The following GBP6 variants were observed in gnomAD, a reference collection of about 807,000 sequenced individuals.
GBP6 encodes guanylate binding protein family member 6.
GBP6 carries 54 observed loss-of-function variants against 61.5 expected under a neutral mutation model. The ratio of observed to expected loss-of-function variants is 0.88; its 90% CI spans 0.71 to 1.10. The LOEUF (loss-of-function observed/expected upper bound fraction) is 1.10, where lower values mean the gene tolerates loss of function less well. GBP6 is among the 50% of genes least tolerant of loss of function. The pLI is 0.00. For missense variants in GBP6, 748 were observed against 752.8 expected (o/e 0.99, Z 0.07); for synonymous variants, 255 against 273.7 (o/e 0.93, Z 0.67).
rs915782771 is a variant in GBP6 at position 89,378,674 on chromosome 1, C to A, written c.625+61C>A. 11 of 1,263,796 alleles carry A rather than the reference C, an allele frequency of 8.7e-6. No homozygotes were observed. The African/African-American group carries it at 1.6e-4, about 19-fold the overall frequency. 78.3% of individuals were successfully genotyped at this position (1,263,796 alleles called of 1,614,324 possible). On this transcript the variant is annotated intron_variant, in intron 5 of 10. Transcript: ENST00000370456. ...TGGGTGTGTGATCTGCTAAACACTG[C>A]CCATCATCTCTGGGGTTTCATTTGT... is the stretch of plus-strand genomic sequence containing the variant.
intron 1 of GBP6, among the ~76,000 whole-genome samples, chr1:89,367,736 C>T (rs915160340): frequency 3.3e-5 from 5 of 152,002 alleles, no homozygotes; most frequent in Non-Finnish European, 7.4e-5. Context: ...GTATGACATA[C>T]CAGAAATCCA....
At chr1:89,374,966 A>G (rs1652764445) in intron 3 of GBP6, among the ~76,000 whole-genome samples, 1 of 151,628 alleles carries the variant, frequency 6.6e-6, no homozygotes, top group South Asian at 2.1e-4. Context: ...GTTCCCCTCT[A>G]TATGTCCGTA....
chr1:89,371,996 C>G (rs1183648167), intron 3 of GBP6, among the ~76,000 whole-genome samples: 3 of 152,090 alleles, frequency 2.0e-5, no homozygotes, highest in Non-Finnish European at 4.4e-5. Flanking sequence ...GTGCAAAAAT[C>G]ACAAGCATTC....
intron 1 of GBP6, among the ~76,000 whole-genome samples, chr1:89,365,209 T>G (rs775806144): frequency 6.6e-6 from 1 of 152,166 alleles, no homozygotes; most frequent in Non-Finnish European, 1.5e-5. Context: ...CAGTCCTGAA[T>G]AGGATTGAAC....
intron 1 of GBP6, among the ~76,000 whole-genome samples, chr1:89,364,727 T>G (rs1652416489): frequency 6.7e-6 from 1 of 150,154 alleles, no homozygotes; most frequent in East Asian, 1.9e-4. Flanking sequence ...TAGCTCTTGC[T>G]AAACAGATGG....
At chr1:89,378,044 G>C (rs191411436) in intron 3 of GBP6, 59 bp from the exon 4 acceptor site, 100 of 1,425,388 alleles carry the variant, frequency 7.0e-5, no homozygotes, top group Admixed American at 3.2e-4. Flanking sequence ...CAAAATAAAT[G>C]TCTCAGTGAA....
At chr1:89,374,245 A>G (rs1652735395) in intron 3 of GBP6, among the ~76,000 whole-genome samples, 1 of 152,204 alleles carries the variant, frequency 6.6e-6, no homozygotes, top group African/African-American at 2.4e-5. Flanking sequence ...AGCAATGCAC[A>G]TACATGTACT....
chr1:89,383,764 A>C lies in GBP6; in HGVS notation c.1468+10A>C. On this transcript the variant is annotated intron_variant, in intron 9 of 10. Transcript: ENST00000370456. ...GAGAAGGCAGTAGCAGGTATGGGGC[A>C]GGGCTCAGCTTACACAGGAGGGGTA... is the stretch of plus-strand genomic sequence containing the variant. The C allele has an allele frequency of 6.3e-7, 1 of 1,580,846 alleles. No homozygotes were observed. Among genetic ancestry groups the C allele is most frequent in the Non-Finnish European group, 8.6e-7 (1 of 1,159,440 alleles).
chr1:89,372,540 C>T (rs535946545), intron 3 of GBP6, among the ~76,000 whole-genome samples: 3 of 152,014 alleles, frequency 2.0e-5, no homozygotes, highest in African/African-American at 7.3e-5. Context: ...CTTTGACAAA[C>T]CTGACAAGAA....
chr1:89,371,503 T>C (rs1296200977), intron 3 of GBP6, among the ~76,000 whole-genome samples: 1 of 152,084 alleles, frequency 6.6e-6, no homozygotes, highest in Non-Finnish European at 1.5e-5. Flanking sequence ...GCAAGGCTGG[T>C]TCAACATATG....
chr1:89,371,839 A>G (rs1384714658), intron 3 of GBP6, among the ~76,000 whole-genome samples: 1 of 152,180 alleles, frequency 6.6e-6, no homozygotes, highest in Non-Finnish European at 1.5e-5. Context: ...GAAAGAAATA[A>G]AGGGTATTCA....
rs113532469 is a variant in GBP6, at chr1:89,382,793, G to C, written c.1282G>C (p.Val428Leu). Residue 428 changes from valine (V) to leucine (L), a missense_variant, in exon 8 of 11, where the codon GTT (valine) becomes CTT (leucine). Val to Leu is a conservative substitution (Grantham distance 32). Coordinates refer to ENST00000370456, the MANE Select transcript of GBP6 (RefSeq NM_198460.3). ...MESISAGSFS[V>L]PGGHKLYMET... is the part of the protein sequence containing the mutation. ...AAGTATCTCAGCAGGAAGTTTCTCT[G>C]TTCCTGGAGGGCACAAGCTCTACAT... The C allele has an allele frequency of 6.2e-7, 1 of 1,614,080 alleles. No individual in the cohort carries two copies. The highest frequency in any genetic ancestry group is 1.3e-5 in the African/African-American group (1 of 75,060).
At chr1:89,370,029 G>A (rs911645713) in intron 3 of GBP6, among the ~76,000 whole-genome samples, 3 of 152,190 alleles carry the variant, frequency 2.0e-5, no homozygotes, top group African/African-American at 7.2e-5. Context: ...GTTGCTGAGA[G>A]GGAGGAGATG....
intron 8 of GBP6, among the ~76,000 whole-genome samples, chr1:89,383,409 T>A (rs140121409): frequency 6.6e-6 from 1 of 152,190 alleles, no homozygotes; most frequent in East Asian, 1.9e-4. Flanking sequence ...TAGTTCTGCC[T>A]GGCCGGAACC....
At chr1:89,364,492 A>G (rs1213300644) in intron 1 of GBP6, among the ~76,000 whole-genome samples, 1 of 152,230 alleles carries the variant, frequency 6.6e-6, no homozygotes, top group African/African-American at 2.4e-5. Context: ...TTTCTTGTCT[A>G]TCTTTCTAGT....
intron 3 of GBP6, among the ~76,000 whole-genome samples, chr1:89,373,654 A>C (rs1488024221): frequency 1.3e-5 from 2 of 152,172 alleles, no homozygotes; most frequent in East Asian, 3.9e-4. Context: ...ATCACACACC[A>C]GGGCCTGTCG....
chr1:89,368,627 C>A lies in GBP6; in HGVS notation c.76C>A (p.Gln26Lys). The change falls in exon 2 of 11, where the codon CAA becomes AAA. Residue 26 changes from glutamine to lysine, a missense_variant. Coordinates refer to ENST00000370456, the MANE Select transcript of GBP6 (RefSeq NM_198460.3). ...CAATGAGCAGCTATTGGTGAACCAGCAAGCTATACAGATTCTTGAAAAGAT... is the reference window on the plus strand; with the variant it reads ...CAATGAGCAGCTATTGGTGAACCAGAAAGCTATACAGATTCTTGAAAAGAT... Reference protein sequence around the residue: ...NNNEQLLVNQQAIQILEKISQ... With the variant: ...NNNEQLLVNQKAIQILEKISQ... The A allele has an allele frequency of 6.2e-7, 1 of 1,614,146 alleles. No individual in the cohort carries two copies. The highest frequency in any genetic ancestry group is 8.5e-7 in the Non-Finnish European group (1 of 1,179,980).
intron 6 of GBP6, 59 bp downstream of exon 6, chr1:89,380,690 G>C: frequency 6.6e-7 from 1 of 1,519,030 alleles, no homozygotes; most frequent in Non-Finnish European, 8.9e-7. Flanking sequence ...ATTGTATAAT[G>C]TGTTTCTCAG....
At position 89,380,645 on chromosome 1, in the gene GBP6, T is replaced by C. The variant is rs1652951338; in HGVS notation, c.871+14T>C. 4 of 1,611,096 alleles carry C rather than the reference T, an allele frequency of 2.5e-6. No homozygotes were observed. The highest frequency in any genetic ancestry group is 3.4e-6 in the Non-Finnish European group (4 of 1,178,192). ...TCACTGGGAATCGTGAGTCTCCTTT[T>C]TACTTTTCTGTGGGGCCTCATGTGT... On this transcript the variant is annotated intron_variant, in intron 6 of 10. Transcript: ENST00000370456.
Sources: gnomAD v4.1 joint callset for allele counts (sites outside exome capture counted in the v4.1 genomes callset) on GRCh38, gnomAD v4.1.1 for gene constraint, MANE v1.5 for transcripts, NCBI Gene and HGNC (gene_info 2026-07-23, HGNC 2026-07-21) for gene names.